Variants in SETDB2 observed in about 807,000 individuals in gnomAD.
SETDB2 encodes the protein SET domain bifurcated histone lysine methyltransferase 2.
Under a neutral mutation model 82.5 loss-of-function variants are expected in SETDB2, and 56 were observed. The observed-to-expected ratio is 0.68, with a 90% CI of 0.55 to 0.85. The LOEUF is 0.85. Among genes scored for constraint, SETDB2 ranks in the 40% least tolerant of loss-of-function variants. The probability of loss-of-function intolerance (pLI) is 0.00; values close to 1 mark genes in which losing one functional copy is unlikely to be tolerated. For synonymous variants in SETDB2, 272 were observed against 284.9 expected, an observed-to-expected ratio of 0.95 and a Z score of 0.46; for missense variants, 677 against 816.4, an observed-to-expected ratio of 0.83 and a Z score of 2.08.
intron 2 of SETDB2, among the ~76,000 whole-genome samples, chr13:49,452,294 G>A (rs770906642): frequency 1.3e-5 from 2 of 151,950 alleles, no homozygotes; most frequent in Non-Finnish European, 2.9e-5. Context: ...TGTATTTTTA[G>A]TAGAGATGGG....
intron 8 of SETDB2, among the ~76,000 whole-genome samples, chr13:49,481,366 T>C (rs751846756): frequency 6.6e-6 from 1 of 152,096 alleles, no homozygotes; most frequent in Non-Finnish European, 1.5e-5. Flanking sequence ...GCCTGTTACG[T>C]ACAAGGCACA....
intron 12 of SETDB2, among the ~76,000 whole-genome samples, chr13:49,489,909 C>CT (rs1958674951): frequency 3.3e-5 from 1 of 30,246 alleles, no homozygotes; most frequent in African/African-American, 9.4e-5. Context: ...TTTCTCCCGC[C>CT]CCCCCCCCCT....
Position 49,476,779 on chromosome 13 carries a change from CTT to C in SETDB2, c.613_614del (p.Leu205IlefsTer4). Reference sequence around the variant, plus strand: ...GTTACCTGCTTGAGACAGAGTGTAACTTTTTATTTACAGATAACTTTTCTTTC... The same window carrying C: ...GTTACCTGCTTGAGACAGAGTGTAACTTTATTTACAGATAACTTTTCTTTC... ...FRYLLETECN[F>X]LFTDNFSFNT... On this transcript the variant is annotated frameshift_variant, in exon 6 of 14. Transcript: ENST00000611815. LOFTEE classifies it high-confidence loss of function. The C allele has an allele frequency of 6.2e-7, 1 of 1,613,686 alleles. No homozygotes were observed. Among genetic ancestry groups the C allele is most frequent in the Non-Finnish European group, 8.5e-7 (1 of 1,179,732 alleles).
chr13:49,481,206 C>A, intron 8 of SETDB2, 90 bp downstream of exon 8: 2 of 1,210,680 alleles, frequency 1.7e-6, no homozygotes, highest in Non-Finnish European at 2.3e-6. Flanking sequence ...TGAGAGCTTA[C>A]AGCAAGGTAA....
chr13:49,461,635 A>C (rs1405621816), intron 4 of SETDB2, among the ~76,000 whole-genome samples: 1 of 152,200 alleles, frequency 6.6e-6, no homozygotes, highest in African/African-American at 2.4e-5. Flanking sequence ...TTCTCTTCTC[A>C]CAAAGCTTCT....
chr13:49,446,117 C>CT, intron 1 of SETDB2, among the ~76,000 whole-genome samples: 1 of 152,052 alleles, frequency 6.6e-6, no homozygotes. Flanking sequence ...TTGGTAGAAC[C>CT]TTTCTGGAAG....
intron 3 of SETDB2, 55 bp downstream of exon 3, chr13:49,460,287 A>T: frequency 2.0e-6 from 3 of 1,534,124 alleles, no homozygotes; most frequent in Non-Finnish European, 2.6e-6. Flanking sequence ...TCTCTCTGAC[A>T]GTACAGTATC....
At chr13:49,485,464 G>A (rs182569883) in intron 10 of SETDB2, among the ~76,000 whole-genome samples, 166 bp from the exon 11 acceptor site, 1 of 152,254 alleles carries the variant, frequency 6.6e-6, no homozygotes, top group African/African-American at 2.4e-5. Flanking sequence ...GATGACACTT[G>A]TTGACTCCAT....
chr13:49,468,516 C>T (rs1394376374), intron 5 of SETDB2, among the ~76,000 whole-genome samples: 1 of 151,518 alleles, frequency 6.6e-6, no homozygotes, highest in African/African-American at 2.4e-5. Context: ...CTGGGCCTAA[C>T]CCTTCAAGTA....
At chr13:49,444,930 G>A (rs536025958) in intron 1 of SETDB2, 73 bp downstream of exon 1, 1 of 152,224 alleles carries the variant, frequency 6.6e-6, no homozygotes, top group Non-Finnish European at 1.5e-5. Flanking sequence ...AGATTAGATA[G>A]TAACACTTCT....
intron 2 of SETDB2, among the ~76,000 whole-genome samples, chr13:49,452,951 G>A (rs1052954189): frequency 6.6e-6 from 1 of 152,120 alleles, no homozygotes; most frequent in Non-Finnish European, 1.5e-5. Flanking sequence ...AATGTAGGTG[G>A]TGGTATCAAA....
chr13:49,466,005 A>G (rs7985745), intron 4 of SETDB2, among the ~76,000 whole-genome samples: 44 of 152,352 alleles, frequency 2.9e-4, no homozygotes, highest in African/African-American at 9.9e-4. Context: ...ATTTTTGTAC[A>G]AAGGGTAACA....
intron 6 of SETDB2, among the ~76,000 whole-genome samples, chr13:49,479,221 A>G (rs946385463): frequency 1.1e-4 from 12 of 107,906 alleles, no homozygotes; most frequent in African/African-American, 4.0e-4. Flanking sequence ...TAAGAAGACC[A>G]TATATATGTG....
chr13:49,457,874 C>T lies in SETDB2; in HGVS notation c.17-2233C>T, dbSNP rs1052122928. On this transcript the variant is annotated intron_variant, in intron 2 of 13. Coordinates refer to ENST00000611815, the MANE Select transcript of SETDB2 (RefSeq NM_001160308.3). ...TGTTACCAAAAGCTATTTTTAAATA[C>T]TTCCAAAATACTTGAAAATACTTCA... 1.7e-4 allele frequency among the ~76,000 whole-genome samples: 26 copies of T among 152,114 alleles called. 1 individual carries two copies. Among genetic ancestry groups the T allele is most frequent in the Admixed American group, 1.7e-3 (26 of 15,274 alleles).
At position 49,493,242 on chromosome 13, in the gene SETDB2, A is replaced by T. The variant is rs1958745589; in HGVS notation, c.*1393A>T. On this transcript the variant is annotated 3_prime_UTR_variant, in exon 14 of 14. Coordinates refer to ENST00000611815, the MANE Select transcript of SETDB2 (RefSeq NM_001160308.3). Reference sequence around the variant, plus strand: ...AAGTTGAGAAATCCATTTATTCACCATAGAGACGCAGGAATTTCAGGCAAT... The same window carrying T: ...AAGTTGAGAAATCCATTTATTCACCTTAGAGACGCAGGAATTTCAGGCAAT... 6.6e-6 allele frequency: 1 copy of T among 152,160 alleles called. No homozygotes were observed. The highest frequency in any genetic ancestry group is 2.1e-4 in the South Asian group (1 of 4,828). 9.4% of individuals were successfully genotyped at this position (152,160 alleles called of 1,614,324 possible).
At chr13:49,447,070 A>G (rs781130188) in intron 1 of SETDB2, among the ~76,000 whole-genome samples, 2 of 152,142 alleles carry the variant, frequency 1.3e-5, no homozygotes, top group Non-Finnish European at 2.9e-5. Flanking sequence ...TGATGGCTGC[A>G]AATTATATTT....
chr13:49,479,681 T>C (rs1294422572), intron 6 of SETDB2, among the ~76,000 whole-genome samples: 1 of 152,176 alleles, frequency 6.6e-6, no homozygotes, highest in African/African-American at 2.4e-5. Context: ...TCAAGTTAGT[T>C]AGTCATCTGA....
rs1958376368 is a variant in SETDB2, at chr13:49,476,862, A to G, written c.692A>G (p.Asp231Gly). The change falls in exon 6 of 14, where the codon GAT becomes GGT. Residue 231 changes from aspartate (D) to glycine (G), a missense_variant. Transcript: ENST00000611815. ...NYPKQKEVVS[D>G]VDISNGVESV... ...CCAAAGCAAAAAGAAGTTGTTTCTG[A>G]TGTGGATATTAGCAATGGAGTGGAA... 6.2e-7 allele frequency: 1 copy of G among 1,614,152 alleles called. No homozygotes were observed. Among genetic ancestry groups the G allele is most frequent in the Non-Finnish European group, 8.5e-7 (1 of 1,180,026 alleles).
At chr13:49,449,852 A>G (rs1333069560) in intron 1 of SETDB2, among the ~76,000 whole-genome samples, 2 of 152,198 alleles carry the variant, frequency 1.3e-5, no homozygotes, top group African/African-American at 4.8e-5. Flanking sequence ...ATTGCTACGT[A>G]TACCTCAGTG....
Sources: allele counts gnomAD v4.1 joint callset (sites outside exome capture counted in the v4.1 genomes callset), GRCh38; gene constraint gnomAD v4.1.1; transcripts MANE v1.5; gene names NCBI Gene and HGNC (gene_info 2026-07-23, HGNC 2026-07-21).